UBAC2: variants seen among roughly 807,000 people sequenced by gnomAD.
The protein encoded by UBAC2 is UBA domain containing 2.
In UBAC2, 26 loss-of-function variants were observed where a neutral mutation model predicts 44.0. The observed-to-expected ratio is 0.59, with a 90% CI of 0.43 to 0.82. The LOEUF (loss-of-function observed/expected upper bound fraction) is 0.82, where lower values mean the gene tolerates loss of function less well. UBAC2 is among the 40% of genes least tolerant of loss of function. UBAC2 has a pLI of 0.00. For synonymous variants in UBAC2, 155 were observed against 154.3 expected (o/e 1.00, Z -0.04); for missense variants, 329 against 419.4 (o/e 0.78, Z 1.88).
intron 7 of UBAC2, among the ~76,000 whole-genome samples, 182 bp downstream of exon 7, chr13:99,340,747 A>G (rs1001182479): frequency 6.6e-6 from 1 of 152,210 alleles, no homozygotes; most frequent in Non-Finnish European, 1.5e-5. Flanking sequence ...TTAAAAAGGT[A>G]AAAAATAAAT....
At chr13:99,302,519 GA>G (rs1235843507) in intron 4 of UBAC2, among the ~76,000 whole-genome samples, 33 of 152,306 alleles carry the variant, frequency 2.2e-4, no homozygotes, top group African/African-American at 7.0e-4. Context: ...TCAATTATTT[GA>G]AAACGCCTTC....
At chr13:99,215,068 T>G (rs754017717) in intron 1 of UBAC2, among the ~76,000 whole-genome samples, 12 of 152,150 alleles carry the variant, frequency 7.9e-5, no homozygotes, top group Non-Finnish European at 1.8e-4. Context: ...AAGCCAAATG[T>G]TTGTTACTAT....
chr13:99,368,695 G>T (rs2045365134), intron 8 of UBAC2, among the ~76,000 whole-genome samples: 1 of 147,456 alleles, frequency 6.8e-6, no homozygotes, highest in African/African-American at 2.6e-5. Flanking sequence ...GAGAGTGTGT[G>T]TGTGTGTGTG....
At position 99,269,504 on chromosome 13, in the gene UBAC2, C is replaced by G. The variant is rs74547352; in HGVS notation, c.389+24880C>G. 8.0e-3 allele frequency among the ~76,000 whole-genome samples: 1,223 copies of G among 152,068 alleles called. 14 individuals are homozygous for G. Among genetic ancestry groups the G allele is most frequent in the African/African-American group, 0.028 (1,147 of 41,448 alleles). ...TATAATCTAAGTGATTGATTTTTTGCTTTCTTATAAGCAAGGGGTATTTTT... is the reference window on the plus strand; with the variant it reads ...TATAATCTAAGTGATTGATTTTTTGGTTTCTTATAAGCAAGGGGTATTTTT... On this transcript the variant is annotated intron_variant, in intron 4 of 8. Coordinates refer to ENST00000403766, the MANE Select transcript of UBAC2 (RefSeq NM_001144072.2).
At chr13:99,275,632 C>T (rs2043871576) in intron 4 of UBAC2, among the ~76,000 whole-genome samples, 2 of 152,060 alleles carry the variant, frequency 1.3e-5, no homozygotes, top group African/African-American at 4.8e-5. Flanking sequence ...TTCTTCACTA[C>T]CTGCCTCTTC....
chr13:99,233,604 A>C (rs1270792480), intron 1 of UBAC2, among the ~76,000 whole-genome samples: 1 of 152,202 alleles, frequency 6.6e-6, no homozygotes, highest in Non-Finnish European at 1.5e-5. Context: ...TTCCACCTGG[A>C]CCATCTGAAC....
At chr13:99,373,394 A>G (rs1158787820) in intron 8 of UBAC2, among the ~76,000 whole-genome samples, 2 of 152,228 alleles carry the variant, frequency 1.3e-5, no homozygotes, top group Non-Finnish European at 2.9e-5. Context: ...GCTGGGATTT[A>G]ACAAAAGGAA....
intron 3 of UBAC2, 112 bp from the exon 4 acceptor site, chr13:99,244,403 A>ACACATATGCATGTGTGTATATACT: frequency 1.4e-6 from 1 of 694,204 alleles, no homozygotes; most frequent in Non-Finnish European, 2.5e-6. Context: ...GTGTATATAC[A>ACACATATGCATGTGTGTATATACT]CACACACACA....
intron 1 of UBAC2, chr13:99,201,389 G>T (rs753164630): frequency 8.7e-6 from 14 of 1,602,132 alleles, no homozygotes; most frequent in Non-Finnish European, 1.2e-5. Context: ...CGCTTTAGAA[G>T]CTGACCTCTC....
intron 7 of UBAC2, among the ~76,000 whole-genome samples, chr13:99,345,803 C>T (rs1161506940): frequency 1.4e-5 from 2 of 143,038 alleles, no homozygotes; most frequent in East Asian, 4.0e-4. Flanking sequence ...AGTGCAGTGG[C>T]GTGATCTTGG....
chr13:99,246,019 A>T (rs1268428931), intron 4 of UBAC2, among the ~76,000 whole-genome samples: 1 of 152,252 alleles, frequency 6.6e-6, no homozygotes, highest in Non-Finnish European at 1.5e-5. Flanking sequence ...TGTGTGTACT[A>T]TCTTCAGTCT....
intron 4 of UBAC2, among the ~76,000 whole-genome samples, chr13:99,245,582 G>T (rs552980410): frequency 6.6e-6 from 1 of 152,134 alleles, no homozygotes; most frequent in Non-Finnish European, 1.5e-5. Context: ...GGCCGGGCGC[G>T]GTGGCTCATG....
At chr13:99,201,104 G>A in intron 1 of UBAC2, 165 bp downstream of exon 1, 2 of 1,352,838 alleles carry the variant, frequency 1.5e-6, no homozygotes, top group Non-Finnish European at 9.6e-7. Context: ...GGGGTCAGCG[G>A]AAACCGCCCC....
chr13:99,204,193 T>G lies in UBAC2; in HGVS notation c.31+3254T>G, dbSNP rs1463314232. ...GTTCCCACCCTCAAGGAGTTCACTG[T>G]CTATTGGGGCAAAACTTTTTAAAAA... On this transcript the variant is annotated intron_variant, in intron 1 of 8. Coordinates refer to ENST00000403766, the MANE Select transcript of UBAC2 (RefSeq NM_001144072.2). 3.3e-5 allele frequency among the ~76,000 whole-genome samples: 5 copies of G among 152,238 alleles called. No homozygotes were observed. The East Asian group carries it at 9.6e-4, about 29-fold the overall frequency.
intron 7 of UBAC2, among the ~76,000 whole-genome samples, chr13:99,345,194 A>G (rs2044955091): frequency 6.6e-6 from 1 of 152,182 alleles, no homozygotes; most frequent in South Asian, 2.1e-4. Flanking sequence ...GTGGGCAGAT[A>G]TGTAGTGAGA....
At chr13:99,279,596 A>AT in intron 4 of UBAC2, among the ~76,000 whole-genome samples, 1 of 152,234 alleles carries the variant, frequency 6.6e-6, no homozygotes, top group Non-Finnish European at 1.5e-5. Context: ...CTCACTAATG[A>AT]TGCCTCACTG....
intron 1 of UBAC2, among the ~76,000 whole-genome samples, chr13:99,205,098 T>C (rs2042853828): frequency 6.6e-6 from 1 of 152,156 alleles, no homozygotes; most frequent in African/African-American, 2.4e-5. Context: ...GAGACAGGGT[T>C]TCACCATATT....
chr13:99,248,422 A>C lies in UBAC2; in HGVS notation c.389+3798A>C, dbSNP rs1594045310. Among the ~76,000 whole-genome samples the C allele has an allele frequency of 5.5e-5, 7 of 126,514 alleles. No homozygotes were observed. In the East Asian group the frequency reaches 6.8e-4, roughly 12 times the overall value. The allele number at this position is 126,514 out of a possible 152,430, so 83.0% of individuals were successfully genotyped here. A position where few individuals can be genotyped will look rare whatever the true frequency, so the allele number is the denominator to read the frequency against. On this transcript the variant is annotated intron_variant, in intron 4 of 8. Transcript: ENST00000403766. Reference sequence around the variant, plus strand: ...TTTTTTTTTTTTGAGACAGATTTTCACTCTTGCCGCCCAGGCTGCAGTGCA... The same window carrying C: ...TTTTTTTTTTTTGAGACAGATTTTCCCTCTTGCCGCCCAGGCTGCAGTGCA...
chr13:99,227,442 T>TTAAAGGGTCC (rs1244482148), intron 1 of UBAC2, among the ~76,000 whole-genome samples: 1 of 152,202 alleles, frequency 6.6e-6, no homozygotes, highest in East Asian at 1.9e-4. Flanking sequence ...TCCCTGGCTC[T>TTAAAGGGTCC]TAAAGGGTCC....
Sources: gnomAD v4.1 joint callset for allele counts (sites outside exome capture counted in the v4.1 genomes callset) on GRCh38, gnomAD v4.1.1 for gene constraint, MANE v1.5 for transcripts, NCBI Gene and HGNC (gene_info 2026-07-23, HGNC 2026-07-21) for gene names.